CAMTA1: variants seen among roughly 807,000 people sequenced by gnomAD.
CAMTA1 encodes calmodulin binding transcription activator 1, also known as calmodulin-binding transcription activator 1.
In CAMTA1, 27 loss-of-function variants were observed where a neutral mutation model predicts 170.9. The ratio of observed to expected loss-of-function variants is 0.16; its 90% CI spans 0.12 to 0.22. CAMTA1 has a LOEUF of 0.22. Among genes scored for constraint, CAMTA1 ranks in the 10% least tolerant of loss-of-function variants. The pLI is 1.00. For synonymous variants in CAMTA1, 833 were observed against 891.5 expected (o/e 0.93, Z 1.17); for missense variants, 1,619 against 2,217.2 (o/e 0.73, Z 5.42).
At chr1:7,751,097 G>C in intron 19 of CAMTA1, 102 bp from the exon 20 acceptor site, 3 of 943,712 alleles carry the variant, frequency 3.2e-6, no homozygotes, top group South Asian at 3.0e-5. Flanking sequence ...ATAATAGAGG[G>C]GAAAAGCATT....
intron 6 of CAMTA1, among the ~76,000 whole-genome samples, chr1:7,631,538 G>C (rs185248661): frequency 1.6e-4 from 24 of 152,326 alleles, no homozygotes; most frequent in Admixed American, 5.2e-4. Context: ...TGTGAAAACA[G>C]AAATGCCCAC....
chr1:7,477,797 G>A (rs1034903552), intron 6 of CAMTA1, among the ~76,000 whole-genome samples: 6 of 152,116 alleles, frequency 3.9e-5, no homozygotes, highest in South Asian at 2.1e-4. Context: ...GGCGGCCAAC[G>A]TCTGCTATGT....
chr1:7,489,631 A>G (rs1335745627), intron 6 of CAMTA1, among the ~76,000 whole-genome samples: 1 of 152,154 alleles, frequency 6.6e-6, no homozygotes, highest in Non-Finnish European at 1.5e-5. Flanking sequence ...GTGGCAAGTT[A>G]TTTGGAATGC....
chr1:7,526,298 C>T (rs1431074400), intron 6 of CAMTA1, among the ~76,000 whole-genome samples: 1 of 151,988 alleles, frequency 6.6e-6, no homozygotes, highest in Non-Finnish European at 1.5e-5. Flanking sequence ...CTATGCATCT[C>T]CCCGAGCTCC....
At chr1:7,409,281 C>G (rs1284156122) in intron 5 of CAMTA1, among the ~76,000 whole-genome samples, 6 of 152,158 alleles carry the variant, frequency 3.9e-5, no homozygotes, top group African/African-American at 1.4e-4. Flanking sequence ...CCTGATTGTC[C>G]GAATACTTCT....
chr1:6,982,028 A>G (rs891630228), intron 3 of CAMTA1, among the ~76,000 whole-genome samples: 1 of 152,216 alleles, frequency 6.6e-6, no homozygotes, highest in Non-Finnish European at 1.5e-5. Flanking sequence ...TTTTTTTGAC[A>G]TTTAATACAT....
At chr1:7,727,465 A>G (rs1447935705) in intron 11 of CAMTA1, among the ~76,000 whole-genome samples, 1 of 152,224 alleles carries the variant, frequency 6.6e-6, no homozygotes, top group Admixed American at 6.5e-5. Context: ...TTCGGGCTGC[A>G]GAAATTATCT....
chr1:7,698,278 G>A (rs2096399812), intron 11 of CAMTA1: 1 of 152,102 alleles, frequency 6.6e-6, no homozygotes, highest in African/African-American at 2.4e-5. Context: ...AGCTGATTAG[G>A]TTAAAAAAAT....
At chr1:6,895,549 T>C (rs967207076) in intron 3 of CAMTA1, among the ~76,000 whole-genome samples, 1 of 152,244 alleles carries the variant, frequency 6.6e-6, no homozygotes, top group Non-Finnish European at 1.5e-5. Context: ...TACAGTGACT[T>C]TCTATCCATT....
At chr1:7,577,674 C>T (rs183149111) in intron 6 of CAMTA1, among the ~76,000 whole-genome samples, 21 of 152,136 alleles carry the variant, frequency 1.4e-4, no homozygotes, top group South Asian at 8.3e-4. Flanking sequence ...ACAGTGGTCT[C>T]ATAAGGTTTT....
At chr1:7,591,722 G>A (rs1184265699) in intron 6 of CAMTA1, among the ~76,000 whole-genome samples, 3 of 152,076 alleles carry the variant, frequency 2.0e-5, no homozygotes, top group Non-Finnish European at 4.4e-5. Context: ...CACCTGCCCC[G>A]CGGGTCTCAG....
chr1:6,984,876 GA>G (rs1695097598), intron 3 of CAMTA1, among the ~76,000 whole-genome samples: 2 of 152,338 alleles, frequency 1.3e-5, no homozygotes, highest in South Asian at 4.1e-4. Flanking sequence ...AATTCCTGGG[GA>G]CGACAGTCTG....
intron 1 of CAMTA1, among the ~76,000 whole-genome samples, chr1:6,786,923 C>G (rs898216390): frequency 6.6e-6 from 1 of 152,164 alleles, no homozygotes; most frequent in Non-Finnish European, 1.5e-5. Flanking sequence ...ACTCTTGTGT[C>G]TCAGGAGGGG....
chr1:7,139,002 T>A (rs2032535), intron 4 of CAMTA1, among the ~76,000 whole-genome samples: 85,848 of 141,768 alleles, frequency 0.61, 26,160 homozygotes, highest in South Asian at 0.71. Context: ...CTCAAAAAAA[T>A]ATATATATAT....
At chr1:7,564,261 GTC>G (rs1314319040) in intron 6 of CAMTA1, among the ~76,000 whole-genome samples, 1 of 152,342 alleles carries the variant, frequency 6.6e-6, no homozygotes, top group Admixed American at 6.5e-5. Flanking sequence ...TAAGGCAAGA[GTC>G]TCTCCCTGAG....
At chr1:7,381,616 T>C (rs1218380853) in intron 5 of CAMTA1, among the ~76,000 whole-genome samples, 3 of 151,408 alleles carry the variant, frequency 2.0e-5, no homozygotes, top group Non-Finnish European at 2.9e-5. Context: ...AATAAACACA[T>C]GTGTGCATGT....
Position 7,428,370 on chromosome 1 carries a change from G to A in CAMTA1, c.439-39460G>A, listed in dbSNP as rs189412088. Reference sequence around the variant, plus strand: ...TTGTATGAATGGGATCTTTGGGGTGGGGGCTCTGAAGGAAGGGAGGAGATG... The same window carrying A: ...TTGTATGAATGGGATCTTTGGGGTGAGGGCTCTGAAGGAAGGGAGGAGATG... On this transcript the variant is annotated intron_variant, in intron 5 of 22. Transcript: ENST00000303635. Among the ~76,000 whole-genome samples the A allele has an allele frequency of 2.7e-3, 415 of 152,128 alleles. 3 individuals carry two copies. Among genetic ancestry groups the A allele is most frequent in the Non-Finnish European group, 4.2e-3 (286 of 67,998 alleles).
intron 3 of CAMTA1, among the ~76,000 whole-genome samples, chr1:7,001,652 G>A (rs1698218550): frequency 6.6e-6 from 1 of 152,164 alleles, no homozygotes; most frequent in Non-Finnish European, 1.5e-5. Flanking sequence ...TTCTTCAAAG[G>A]ATGCTGGTCT....
At chr1:6,963,499 G>A (rs1274053363) in intron 3 of CAMTA1, among the ~76,000 whole-genome samples, 1 of 152,056 alleles carries the variant, frequency 6.6e-6, no homozygotes, top group Non-Finnish European at 1.5e-5. Flanking sequence ...TCTTCAGGGG[G>A]TGCCTTTCTT....
Sources: allele counts gnomAD v4.1 joint callset (sites outside exome capture counted in the v4.1 genomes callset), GRCh38; gene constraint gnomAD v4.1.1; transcripts MANE v1.5; gene names NCBI Gene and HGNC (gene_info 2026-07-23, HGNC 2026-07-21).